The following MCTP2 variants were observed in gnomAD, a reference collection of about 807,000 sequenced individuals.
The protein encoded by MCTP2 is multiple C2 and transmembrane domain containing 2.
A neutral mutation model predicts 111.6 loss-of-function variants in MCTP2; 132 were observed. That is an observed-to-expected ratio of 1.18 (90% confidence interval 1.03 to 1.37). The LOEUF is 1.37. Ranked by LOEUF, MCTP2 falls within the 40% of genes most tolerant of loss-of-function variation. The pLI, the probability that MCTP2 is intolerant of heterozygous loss-of-function variation, is 0.00. For synonymous variants in MCTP2, 395 were observed against 387.7 expected, an observed-to-expected ratio of 1.02 and a Z score of -0.22; for missense variants, 1,183 against 1,067.9, an observed-to-expected ratio of 1.11 and a Z score of -1.50.
chr15:94,457,185 G>C (rs535145412), intron 19 of MCTP2, among the ~76,000 whole-genome samples: 2 of 152,208 alleles, frequency 1.3e-5, no homozygotes, highest in African/African-American at 2.4e-5. Flanking sequence ...GACCCAGAGA[G>C]GTAGAAGTTG....
intron 17 of MCTP2, among the ~76,000 whole-genome samples, chr15:94,421,344 A>G (rs2082621465): frequency 6.6e-6 from 1 of 152,150 alleles, no homozygotes; most frequent in South Asian, 2.1e-4. Flanking sequence ...ACAAGATCTC[A>G]GATGCATGCC....
chr15:94,240,427 C>T (rs139066197), intron 1 of MCTP2, among the ~76,000 whole-genome samples: 187 of 152,206 alleles, frequency 1.2e-3, no homozygotes, highest in African/African-American at 4.4e-3. Flanking sequence ...TTTTGCATCC[C>T]AGGGAAATTA....
chr15:94,442,996 C>A, intron 19 of MCTP2, 36 bp downstream of exon 19: 1 of 1,572,422 alleles, frequency 6.4e-7, no homozygotes, highest in Non-Finnish European at 8.7e-7. Context: ...CACAAAAAAA[C>A]ACTAGTGTTG....
At chr15:94,238,684 C>G (rs946329311) in intron 1 of MCTP2, among the ~76,000 whole-genome samples, 22 of 152,046 alleles carry the variant, frequency 1.4e-4, no homozygotes, top group African/African-American at 5.1e-4. Context: ...GCGTGCTGTT[C>G]GTTAAGGGTG....
rs756831626 is a variant in MCTP2 at position 94,233,066 on chromosome 15, C to G, written c.-66+1402C>G. 1.0e-3 allele frequency among the ~76,000 whole-genome samples: 155 copies of G among 152,170 alleles called. 1 individual carries two copies. The highest frequency in any genetic ancestry group is 3.1e-3 in the Admixed American group (47 of 15,296). On this transcript the variant is annotated intron_variant, in intron 1 of 22. Coordinates refer to ENST00000357742, the MANE Select transcript of MCTP2 (RefSeq NM_001385001.1). ...CAGAACTCGTACTTTTTCACTATTC[C>G]ATGCTGTCTCTAAGATGGAGAGTGT...
At chr15:94,443,771 A>G (rs2083926994) in intron 19 of MCTP2, among the ~76,000 whole-genome samples, 1 of 152,126 alleles carries the variant, frequency 6.6e-6, no homozygotes, top group Non-Finnish European at 1.5e-5. Flanking sequence ...AGTAAATCTT[A>G]TTTGTTGTGT....
At chr15:94,355,809 TTTC>T (rs1377079822) in intron 8 of MCTP2, 2 of 573,082 alleles carry the variant, frequency 3.5e-6, no homozygotes, top group East Asian at 2.9e-4. Flanking sequence ...CCAGAATGTC[TTTC>T]TTCCTCTCAC....
chr15:94,322,777 G>C (rs963387423), intron 4 of MCTP2, among the ~76,000 whole-genome samples: 1 of 152,210 alleles, frequency 6.6e-6, no homozygotes, highest in African/African-American at 2.4e-5. Context: ...GAGATGTTGG[G>C]TAATAAAAAG....
chr15:94,440,873 C>A (rs2083741410), intron 18 of MCTP2, among the ~76,000 whole-genome samples: 1 of 152,148 alleles, frequency 6.6e-6, no homozygotes, highest in East Asian at 1.9e-4. Context: ...GACCCTTTCT[C>A]AAAGACATCT....
intron 8 of MCTP2, among the ~76,000 whole-genome samples, chr15:94,355,217 T>G (rs3809554): frequency 0.49 from 74,446 of 152,074 alleles, 18,300 homozygotes; most frequent in Admixed American, 0.54. Context: ...TAGCAGGATT[T>G]TTATGTAAAA....
intron 2 of MCTP2, among the ~76,000 whole-genome samples, chr15:94,307,197 C>G (rs545564268): frequency 3.9e-5 from 6 of 152,076 alleles, no homozygotes; most frequent in Non-Finnish European, 8.8e-5. Context: ...GGAGTTTCCA[C>G]TAGGAAAGGT....
At chr15:94,373,766 C>T (rs909792634) in intron 12 of MCTP2, among the ~76,000 whole-genome samples, 3 of 152,156 alleles carry the variant, frequency 2.0e-5, no homozygotes, top group African/African-American at 7.2e-5. Flanking sequence ...AGTAGAAAAG[C>T]CTGTCAAATG....
intron 22 of MCTP2, among the ~76,000 whole-genome samples, chr15:94,478,545 ATG>A (rs1282609131): frequency 6.6e-6 from 1 of 152,188 alleles, no homozygotes; most frequent in Non-Finnish European, 1.5e-5. Context: ...GGCAAAGTAA[ATG>A]TGTATAATTT....
chr15:94,314,630 A>G (rs975633155), intron 3 of MCTP2: 2 of 523,780 alleles, frequency 3.8e-6, no homozygotes, highest in Non-Finnish European at 3.5e-6. Flanking sequence ...GAAACTTTCA[A>G]AAGAAGGCTG....
chr15:94,387,680 G>A (rs2080592453), intron 14 of MCTP2, among the ~76,000 whole-genome samples: 1 of 152,134 alleles, frequency 6.6e-6, no homozygotes, highest in African/African-American at 2.4e-5. Context: ...CTCCTCTCTT[G>A]GAGCTTTTGT....
intron 19 of MCTP2, among the ~76,000 whole-genome samples, chr15:94,443,308 C>T (rs1276223058): frequency 6.6e-6 from 1 of 152,160 alleles, no homozygotes; most frequent in Non-Finnish European, 1.5e-5. Context: ...GCTTTAGGCT[C>T]ATGTCTGCAC....
intron 22 of MCTP2, among the ~76,000 whole-genome samples, chr15:94,478,492 A>G (rs1032607839): frequency 2.0e-5 from 3 of 152,216 alleles, no homozygotes; most frequent in African/African-American, 4.8e-5. Flanking sequence ...AATCTATATA[A>G]AAGTCTGGGG....
chr15:94,267,292 T>A (rs2073593201), intron 1 of MCTP2, among the ~76,000 whole-genome samples: 1 of 152,236 alleles, frequency 6.6e-6, no homozygotes. Flanking sequence ...CAGAATGTCA[T>A]TAAGAATGAT....
intron 2 of MCTP2, among the ~76,000 whole-genome samples, chr15:94,307,096 C>T (rs902555787): frequency 3.3e-5 from 5 of 152,252 alleles, no homozygotes; most frequent in East Asian, 3.9e-4. Context: ...TCCTTCCCTT[C>T]GCACCTGTTG....
Sources: gnomAD v4.1 joint callset for allele counts (sites outside exome capture counted in the v4.1 genomes callset) on GRCh38, gnomAD v4.1.1 for gene constraint, MANE v1.5 for transcripts, NCBI Gene and HGNC (gene_info 2026-07-23, HGNC 2026-07-21) for gene names.